The following LOC128125817 variants were observed in gnomAD, a reference collection of about 807,000 sequenced individuals.
chr1:41,607,452 C>A, the LOC128125817 span, among the ~76,000 whole-genome samples: 1 of 152,214 alleles, frequency 6.6e-6, no homozygotes, highest in Admixed American at 6.5e-5. Context: ...ATCTTCATAG[C>A]AACCTGCTCC....
the LOC128125817 span, among the ~76,000 whole-genome samples, chr1:41,622,559 C>A: frequency 5.3e-5 from 8 of 152,180 alleles, no homozygotes; most frequent in Non-Finnish European, 1.2e-4. Flanking sequence ...TACATATTAT[C>A]TGTGGTTGCT....
At chr1:41,628,752 T>C in the LOC128125817 span, 1 of 1,232,178 alleles carries the variant, frequency 8.1e-7, no homozygotes, top group Non-Finnish European at 1.0e-6. Context: ...TTCCTACCTG[T>C]GCTGAAGGCA....
the LOC128125817 span, among the ~76,000 whole-genome samples, chr1:41,600,956 A>G: frequency 6.9e-4 from 105 of 152,242 alleles, no homozygotes; most frequent in Admixed American, 5.0e-3. Flanking sequence ...TAAGAATCCA[A>G]TTTCATTCTT....
At chr1:41,587,977 C>G in the LOC128125817 span, among the ~76,000 whole-genome samples, 1 of 152,176 alleles carries the variant, frequency 6.6e-6, no homozygotes, top group East Asian at 1.9e-4. Flanking sequence ...TAGAGTTGCC[C>G]TTTCAACCTA....
At chr1:41,624,012 GC>G in the LOC128125817 span, among the ~76,000 whole-genome samples, 5,847 of 152,246 alleles carry the variant, frequency 0.038, 146 homozygotes, top group East Asian at 0.096. Context: ...CATTAAAGCA[GC>G]CCCAGGAGCT....
the LOC128125817 span, among the ~76,000 whole-genome samples, chr1:41,605,258 T>A: frequency 1.3e-5 from 2 of 151,474 alleles, no homozygotes; most frequent in African/African-American, 4.9e-5. Flanking sequence ...TGGTTTCTGA[T>A]TTCTAATGGG....
At chr1:41,605,373 G>GCACACACA in the LOC128125817 span, among the ~76,000 whole-genome samples, 3 of 106,800 alleles carry the variant, frequency 2.8e-5, no homozygotes, top group Admixed American at 1.1e-4. Context: ...ACACGCACAC[G>GCACACACA]CGCACACACA....
At chr1:41,614,264 T>C in the LOC128125817 span, among the ~76,000 whole-genome samples, 1 of 152,190 alleles carries the variant, frequency 6.6e-6, no homozygotes, top group Non-Finnish European at 1.5e-5. Flanking sequence ...TATCTGGTGG[T>C]GAGAGAGGCG....
the LOC128125817 span, among the ~76,000 whole-genome samples, chr1:41,618,121 TG>T: frequency 6.6e-6 from 1 of 152,334 alleles, no homozygotes; most frequent in Non-Finnish European, 1.5e-5. Context: ...TGCCCTGTGC[TG>T]GGTGCTGGCC....
the LOC128125817 span, among the ~76,000 whole-genome samples, chr1:41,600,048 C>T: frequency 6.6e-6 from 1 of 151,302 alleles, no homozygotes; most frequent in Admixed American, 6.6e-5. Context: ...ATGGCTACAA[C>T]AAAAAAAAGA....
the LOC128125817 span, among the ~76,000 whole-genome samples, chr1:41,610,247 C>T: frequency 1.6e-3 from 237 of 152,334 alleles, 4 homozygotes; most frequent in East Asian, 0.036. Flanking sequence ...ACATCAAATC[C>T]TTCAGCGAGC....
At chr1:41,616,019 A>C in the LOC128125817 span, among the ~76,000 whole-genome samples, 1 of 152,012 alleles carries the variant, frequency 6.6e-6, no homozygotes, top group Non-Finnish European at 1.5e-5. Context: ...CAAGTGGTTT[A>C]ACCAAAGGGG....
chr1:41,593,976 A>AG, the LOC128125817 span, among the ~76,000 whole-genome samples: 1 of 152,202 alleles, frequency 6.6e-6, no homozygotes, highest in Non-Finnish European at 1.5e-5. Context: ...GGTAACAGCC[A>AG]GCCGCATCTT....
the LOC128125817 span, among the ~76,000 whole-genome samples, chr1:41,628,506 G>A: frequency 7.6e-3 from 1,160 of 152,240 alleles, 9 homozygotes; most frequent in Non-Finnish European, 0.013. Flanking sequence ...GGGAGGGGGC[G>A]GACTGCATTT....
the LOC128125817 span, among the ~76,000 whole-genome samples, chr1:41,614,274 G>A: frequency 4.3e-4 from 66 of 152,376 alleles, no homozygotes; most frequent in African/African-American, 1.2e-3. Context: ...TGAGAGAGGC[G>A]TGTCAAGGGC....
chr1:41,619,975 G>A, the LOC128125817 span, among the ~76,000 whole-genome samples: 1 of 152,200 alleles, frequency 6.6e-6, no homozygotes, highest in East Asian at 1.9e-4. Context: ...CATGTTTCAA[G>A]CTCTCTAGTG....
chr1:41,613,949 T>A, the LOC128125817 span, among the ~76,000 whole-genome samples: 11 of 152,370 alleles, frequency 7.2e-5, 1 homozygote, highest in African/African-American at 2.6e-4. Context: ...TCACTTAGCA[T>A]AACGTTTTTC....
At chr1:41,621,128 CA>C in the LOC128125817 span, among the ~76,000 whole-genome samples, 1 of 152,242 alleles carries the variant, frequency 6.6e-6, no homozygotes, top group African/African-American at 2.4e-5. Context: ...GGAAAGGCAT[CA>C]CCCGGCTTCC....
the LOC128125817 span, among the ~76,000 whole-genome samples, chr1:41,618,056 C>T: frequency 6.6e-6 from 1 of 152,168 alleles, no homozygotes; most frequent in Non-Finnish European, 1.5e-5. Context: ...ACTAGAAAGG[C>T]GTAGTGTAAA....
Sources: gnomAD v4.1 joint callset for allele counts (sites outside exome capture counted in the v4.1 genomes callset) on GRCh38, gnomAD v4.1.1 for gene constraint, MANE v1.5 for transcripts.